LPA: variants seen among roughly 807,000 people sequenced by gnomAD.
LPA encodes apolipoprotein(a).
LPA carries 199 observed loss-of-function variants against 197.9 expected under a neutral mutation model. The observed-to-expected ratio is 1.01, with a 90% confidence interval of 0.90 to 1.13. LPA has a LOEUF of 1.13. Ranked by LOEUF, LPA falls within the 50% of genes most tolerant of loss-of-function variation. LPA has a pLI of 0.00. For missense variants in LPA, 1,853 were observed against 1,785.8 expected, an observed-to-expected ratio of 1.04 and a Z score of -0.68; for synonymous variants, 715 against 639.5, an observed-to-expected ratio of 1.12 and a Z score of -1.78.
chr6:160,581,297 TG>T (rs910641443), intron 26 of LPA, among the ~76,000 whole-genome samples: 3 of 152,094 alleles, frequency 2.0e-5, no homozygotes, highest in African/African-American at 7.2e-5. Context: ...ATGTATTTTT[TG>T]TTTGTTTGTT....
At chr6:160,655,430 G>A (rs1295428003) in intron 1 of LPA, among the ~76,000 whole-genome samples, 1 of 152,168 alleles carries the variant, frequency 6.6e-6, no homozygotes, top group East Asian at 1.9e-4. Flanking sequence ...ACAGCAGCCT[G>A]GACCTGTTTC....
chr6:160,605,563 A>G (rs1485263959), intron 17 of LPA, among the ~76,000 whole-genome samples: 2 of 152,224 alleles, frequency 1.3e-5, no homozygotes, highest in Non-Finnish European at 2.9e-5. Context: ...CATGAGGACT[A>G]TGGGGCAGCA....
At chr6:160,541,215 T>G in intron 34 of LPA, 34 bp from the exon 35 acceptor site, 1 of 1,463,612 alleles carries the variant, frequency 6.8e-7, no homozygotes, top group Non-Finnish European at 9.6e-7. Context: ...TTTGGTCAAA[T>G]TGGATGGTTT....
At chr6:160,656,675 G>T (rs2115108526) in intron 1 of LPA, among the ~76,000 whole-genome samples, 1 of 152,266 alleles carries the variant, frequency 6.6e-6, no homozygotes, top group East Asian at 1.9e-4. Context: ...GGAAGGATGG[G>T]AGAAAGAGTA....
intron 26 of LPA, among the ~76,000 whole-genome samples, chr6:160,584,475 G>A (rs973429070): frequency 3.3e-5 from 5 of 151,408 alleles, no homozygotes; most frequent in African/African-American, 7.3e-5. Context: ...GGAATTACAG[G>A]TACCCACCAC....
chr6:160,581,429 A>ACAG (rs1778799936), intron 26 of LPA, among the ~76,000 whole-genome samples: 1 of 152,048 alleles, frequency 6.6e-6, no homozygotes, highest in Non-Finnish European at 1.5e-5. Context: ...CTTCCTGAAT[A>ACAG]GCTGGGACTA....
At chr6:160,599,158 A>T (rs1779188430) in intron 20 of LPA, among the ~76,000 whole-genome samples, 1 of 152,140 alleles carries the variant, frequency 6.6e-6, no homozygotes, top group African/African-American at 2.4e-5. Flanking sequence ...CCTGGCTAGA[A>T]CAGTGAAACC....
chr6:160,573,379 G>T (rs1778597771), intron 28 of LPA, among the ~76,000 whole-genome samples: 3 of 149,454 alleles, frequency 2.0e-5, no homozygotes, highest in African/African-American at 4.9e-5. Context: ...ATTGGGCTTT[G>T]CCTTTCTCTG....
At chr6:160,576,688 GTGTATA>G (rs1281700256) in intron 28 of LPA, among the ~76,000 whole-genome samples, 1,397 of 57,918 alleles carry the variant, frequency 0.024, 18 homozygotes, top group Non-Finnish European at 0.034. Flanking sequence ...GTGTGTGTGT[GTGTATA>G]TATATATATA....
intron 33 of LPA, 83 bp from the exon 34 acceptor site, chr6:160,542,891 C>A: frequency 1.3e-6 from 2 of 1,585,438 alleles, no homozygotes; most frequent in Non-Finnish European, 1.7e-6. Flanking sequence ...ATTCCAAGCA[C>A]TAGTTTTTCA....
intron 20 of LPA, among the ~76,000 whole-genome samples, chr6:160,598,624 C>T (rs1183241212): frequency 6.6e-6 from 1 of 152,204 alleles, no homozygotes; most frequent in Non-Finnish European, 1.5e-5. Flanking sequence ...TGGCTTCTGT[C>T]CATCTACCCG....
intron 26 of LPA, among the ~76,000 whole-genome samples, chr6:160,583,837 T>G (rs550451903): frequency 6.6e-6 from 1 of 152,318 alleles, no homozygotes; most frequent in South Asian, 2.1e-4. Flanking sequence ...TCTTTGCCCT[T>G]AAGTCTAGGA....
intron 3 of LPA, 29 bp downstream of exon 3, chr6:160,646,185 G>A (rs1779880114): frequency 1.1e-4 from 2 of 18,390 alleles, no homozygotes; most frequent in East Asian, 1.3e-3. Context: ...GCATCGAAGC[G>A]TGTAGATGTC....
Position 160,611,723 on chromosome 6 carries a change from T to C in LPA, c.2444-2A>G, listed in dbSNP as rs1779528180. The C allele has an allele frequency of 6.7e-7, 1 of 1,495,432 alleles. No homozygotes were observed. The allele number at this position is 1,495,432 out of a possible 1,614,324, so 92.6% of individuals were successfully genotyped here. A position where few individuals can be genotyped will look rare whatever the true frequency, so the allele number is the denominator to read the frequency against. On this transcript the variant is annotated splice_acceptor_variant, in intron 15 of 38. Transcript: ENST00000316300. LOFTEE classifies it high-confidence loss of function. ...CCCCAGGCCTCTGCTCAGTCGGTGC[T>C]GAAATGAAAACACAAGAAATAAACT... is the stretch of plus-strand genomic sequence containing the variant.
intron 1 of LPA, among the ~76,000 whole-genome samples, chr6:160,660,784 G>T (rs1419702298): frequency 6.6e-6 from 1 of 152,064 alleles, no homozygotes; most frequent in Non-Finnish European, 1.5e-5. Flanking sequence ...AAAAATGGAG[G>T]ATATGAAGCT....
chr6:160,663,294 A>G (rs1780256315), intron 1 of LPA, among the ~76,000 whole-genome samples: 1 of 152,240 alleles, frequency 6.6e-6, no homozygotes, highest in African/African-American at 2.4e-5. Context: ...TGTTGGAACA[A>G]AGATGAAAAA....
chr6:160,647,011 C>A (rs1207285702), intron 2 of LPA, among the ~76,000 whole-genome samples: 1 of 152,112 alleles, frequency 6.6e-6, no homozygotes, highest in South Asian at 2.1e-4. Context: ...CATATCATGT[C>A]GGTCAAGTAG....
At chr6:160,568,738 C>A (rs2115022209) in intron 28 of LPA, among the ~76,000 whole-genome samples, 1 of 152,312 alleles carries the variant, frequency 6.6e-6, no homozygotes, top group African/African-American at 2.4e-5. Context: ...TTAGAAAACC[C>A]CATCTTCTCA....
intron 17 of LPA, 42 bp downstream of exon 17, chr6:160,606,435 C>T (rs1446711213): frequency 6.2e-7 from 1 of 1,607,682 alleles, no homozygotes; most frequent in Non-Finnish European, 8.5e-7. Context: ...GCTTTTCATC[C>T]CAGCATCGAA....
Sources: gnomAD v4.1 joint callset for allele counts (sites outside exome capture counted in the v4.1 genomes callset) on GRCh38, gnomAD v4.1.1 for gene constraint, MANE v1.5 for transcripts, NCBI Gene and HGNC (gene_info 2026-07-23, HGNC 2026-07-21) for gene names.